PPP6R3: variants seen among roughly 807,000 people sequenced by gnomAD.
PPP6R3 encodes the protein protein phosphatase 6 regulatory subunit 3.
A neutral mutation model predicts 110.7 loss-of-function variants in PPP6R3; 38 were observed. That is an observed-to-expected ratio of 0.34 (90% CI 0.26 to 0.45). The LOEUF (loss-of-function observed/expected upper bound fraction) is 0.45. Ranked by LOEUF, PPP6R3 falls within the 20% of genes least tolerant of loss-of-function variation. PPP6R3 has a pLI of 1.00. For synonymous variants in PPP6R3, 369 were observed against 373.5 expected (o/e 0.99, Z 0.14); for missense variants, 870 against 1,062.4 (o/e 0.82, Z 2.52).
chr11:68,577,412 A>C (rs559979608), intron 14 of PPP6R3, among the ~76,000 whole-genome samples: 4 of 152,220 alleles, frequency 2.6e-5, no homozygotes, highest in African/African-American at 9.6e-5. Context: ...TTTTAAGGGG[A>C]CTATTGTCTT....
At chr11:68,609,609 A>C in intron 22 of PPP6R3, 2 of 1,552,082 alleles carry the variant, frequency 1.3e-6, no homozygotes, top group Non-Finnish European at 1.7e-6. Flanking sequence ...ACTGGGCTTC[A>C]GAGTGTTGAA....
intron 1 of PPP6R3, among the ~76,000 whole-genome samples, chr11:68,509,003 A>G (rs1310064570): frequency 2.6e-5 from 4 of 152,346 alleles, no homozygotes; most frequent in East Asian, 1.9e-4. Flanking sequence ...AATGCTGTCA[A>G]CTACTGAACC....
At position 68,544,845 on chromosome 11, in the gene PPP6R3, A is replaced by C; in HGVS notation, c.235A>C (p.Asn79His). 3 of 1,590,552 alleles carry C rather than the reference A, an allele frequency of 1.9e-6. No homozygotes were observed. Among genetic ancestry groups the C allele is most frequent in the Non-Finnish European group, 2.6e-6 (3 of 1,160,696 alleles). Residue 79 changes from asparagine to histidine, a missense_variant, in exon 4 of 24, where the codon AAT becomes CAT. Coordinates refer to ENST00000393800, the MANE Select transcript of PPP6R3 (RefSeq NM_001164161.2). ...MDEKIRYKYP[N>H]ISCELLTSDV... ...AATATCCTGTTCTTCTAGGTATCCAAATATATCTTGTGAGTTGCTCACTTC... is the reference window on the plus strand; with the variant it reads ...AATATCCTGTTCTTCTAGGTATCCACATATATCTTGTGAGTTGCTCACTTC...
rs193277938 is a variant in PPP6R3 at position 68,526,750 on chromosome 11, A to G, written c.-7+7099A>G. ...CACACAACCCCTCAGTCTCACTTCAATGAAACTTGTTCGTAGTAGAAATAA... is the reference window on the plus strand; with the variant it reads ...CACACAACCCCTCAGTCTCACTTCAGTGAAACTTGTTCGTAGTAGAAATAA... On this transcript the variant is annotated intron_variant, in intron 2 of 23. Coordinates refer to ENST00000393800, the MANE Select transcript of PPP6R3 (RefSeq NM_001164161.2). Among the ~76,000 whole-genome samples, 297 of 152,344 alleles carry G rather than the reference A, an allele frequency of 1.9e-3. 1 individual carries two copies. The highest frequency in any genetic ancestry group is 4.2e-3 in the Admixed American group (64 of 15,300).
At chr11:68,502,944 TTTTG>T (rs201460465) in intron 1 of PPP6R3, among the ~76,000 whole-genome samples, 11 of 152,192 alleles carry the variant, frequency 7.2e-5, no homozygotes, top group East Asian at 3.9e-4. Flanking sequence ...GGAGAGGAAT[TTTTG>T]TTTGTTTGTT....
chr11:68,493,315 GGTA>G (rs1168426795), intron 1 of PPP6R3, among the ~76,000 whole-genome samples: 1 of 151,932 alleles, frequency 6.6e-6, no homozygotes, highest in Admixed American at 6.6e-5. Flanking sequence ...ATACATTGGT[GGTA>G]GTTAACATGT....
chr11:68,573,404 G>A (rs1384354270), intron 12 of PPP6R3, among the ~76,000 whole-genome samples: 1 of 151,848 alleles, frequency 6.6e-6, no homozygotes, highest in Admixed American at 6.6e-5. Flanking sequence ...ACCTGTGTTG[G>A]CCTCCCAAAG....
At position 68,508,126 on chromosome 11, in the gene PPP6R3, T is replaced by C. The variant is rs1418387540; in HGVS notation, c.-157-11375T>C. On this transcript the variant is annotated intron_variant, in intron 1 of 23. Coordinates refer to ENST00000393800, the MANE Select transcript of PPP6R3 (RefSeq NM_001164161.2). ...GCCTAAGTGAGTTTTTTGGCCTTTT[T>C]TTTTTTTTTTTTTTTTTTTTGAGAT... is the stretch of plus-strand genomic sequence containing the variant. Among the ~76,000 whole-genome samples, 5 of 79,298 alleles carry C rather than the reference T, an allele frequency of 6.3e-5. No homozygotes were observed. The South Asian group carries it at 1.1e-3, about 17-fold the overall frequency. The allele number at this position is 79,298 out of a possible 152,430, so 52.0% of individuals were successfully genotyped here. A position where few individuals can be genotyped will look rare whatever the true frequency, so the allele number is the denominator to read the frequency against.
At chr11:68,513,861 G>A (rs1316475737) in intron 1 of PPP6R3, among the ~76,000 whole-genome samples, 1 of 152,194 alleles carries the variant, frequency 6.6e-6, no homozygotes, top group Non-Finnish European at 1.5e-5. Flanking sequence ...AACTTCCTCA[G>A]TAAATGAAGA....
intron 1 of PPP6R3, among the ~76,000 whole-genome samples, chr11:68,516,735 A>G (rs990094086): frequency 1.3e-5 from 2 of 152,204 alleles, no homozygotes; most frequent in Non-Finnish European, 2.9e-5. Context: ...TGGGTCATAT[A>G]GTAATTCTAT....
At chr11:68,546,524 T>C (rs1443351319) in intron 4 of PPP6R3, among the ~76,000 whole-genome samples, 2 of 152,344 alleles carry the variant, frequency 1.3e-5, no homozygotes, top group East Asian at 3.9e-4. Flanking sequence ...GTATGAATGA[T>C]AGCAAGAGGA....
intron 2 of PPP6R3, among the ~76,000 whole-genome samples, chr11:68,520,239 C>T (rs1768074426): frequency 6.6e-6 from 1 of 152,194 alleles, no homozygotes. Context: ...CCCATTGTAT[C>T]TCTAGAAGGT....
At chr11:68,499,600 A>T (rs2099037379) in intron 1 of PPP6R3, among the ~76,000 whole-genome samples, 1 of 152,082 alleles carries the variant, frequency 6.6e-6, no homozygotes, top group Admixed American at 6.6e-5. Context: ...ACAGGGTCTT[A>T]TTCTGTCACC....
intron 1 of PPP6R3, among the ~76,000 whole-genome samples, chr11:68,499,520 C>T (rs1275257191): frequency 6.6e-6 from 1 of 152,044 alleles, no homozygotes; most frequent in Non-Finnish European, 1.5e-5. Flanking sequence ...TCTTGGAAGT[C>T]ACGTAGCATC....
chr11:68,526,585 C>T (rs1376311845), intron 2 of PPP6R3, among the ~76,000 whole-genome samples: 1 of 152,178 alleles, frequency 6.6e-6, no homozygotes, highest in Non-Finnish European at 1.5e-5. Flanking sequence ...TCTATTCACA[C>T]ACCCTCACCT....
At chr11:68,470,345 G>A (rs1335517030) in intron 1 of PPP6R3, among the ~76,000 whole-genome samples, 2 of 152,052 alleles carry the variant, frequency 1.3e-5, no homozygotes, top group Non-Finnish European at 2.9e-5. Flanking sequence ...AGCATTATAG[G>A]CGGAGGGTCA....
intron 1 of PPP6R3, among the ~76,000 whole-genome samples, chr11:68,461,494 T>TGGGGGGGG (rs61434771): frequency 3.6e-5 from 3 of 83,328 alleles, no homozygotes; most frequent in Non-Finnish European, 7.2e-5. Flanking sequence ...GAGCCGGGGG[T>TGGGGGGGG]GGGGGGGGTG....
At chr11:68,487,104 T>G (rs113446779) in intron 1 of PPP6R3, among the ~76,000 whole-genome samples, 3 of 152,320 alleles carry the variant, frequency 2.0e-5, no homozygotes, top group Middle Eastern at 3.4e-3. Context: ...TCTTTTCTTA[T>G]GCTTACTTTG....
At chr11:68,501,528 T>C (rs2099048926) in intron 1 of PPP6R3, among the ~76,000 whole-genome samples, 1 of 152,218 alleles carries the variant, frequency 6.6e-6, no homozygotes, top group Non-Finnish European at 1.5e-5. Flanking sequence ...GGTTTCACCA[T>C]GTTGGCCAGG....
Sources: allele counts gnomAD v4.1 joint callset (sites outside exome capture counted in the v4.1 genomes callset), GRCh38; gene constraint gnomAD v4.1.1; transcripts MANE v1.5; gene names NCBI Gene and HGNC (gene_info 2026-07-23, HGNC 2026-07-21).